The following TBC1D19 variants were observed in gnomAD, a reference collection of about 807,000 sequenced individuals.
The protein encoded by TBC1D19 is TBC1 domain family, member 19.
A neutral mutation model predicts 89.0 loss-of-function variants in TBC1D19; 60 were observed. The ratio of observed to expected loss-of-function variants is 0.67; its 90% CI spans 0.55 to 0.84. The LOEUF is 0.84. TBC1D19 is among the 40% of genes least tolerant of loss of function. The pLI, the probability that TBC1D19 is intolerant of heterozygous loss-of-function variation, is 0.00. For synonymous variants in TBC1D19, 189 were observed against 199.7 expected (o/e 0.95, Z 0.45); for missense variants, 500 against 610.8 (o/e 0.82, Z 1.91).
At chr4:26,753,622 C>T (rs2109337510) in intron 19 of TBC1D19, among the ~76,000 whole-genome samples, 198 bp from the exon 20 acceptor site, 2 of 152,260 alleles carry the variant, frequency 1.3e-5, no homozygotes, top group Middle Eastern at 6.8e-3. Flanking sequence ...TTCAGTTTGT[C>T]TGGCCATCAG....
At position 26,617,278 on chromosome 4, in the gene TBC1D19, T is replaced by G. The variant is rs182991805; in HGVS notation, c.218+2825T>G. 7.7e-4 allele frequency among the ~76,000 whole-genome samples: 117 copies of G among 152,340 alleles called. 1 individual carries two copies. The highest frequency in any genetic ancestry group is 2.5e-3 in the African/African-American group (105 of 41,588). On this transcript the variant is annotated intron_variant, in intron 3 of 20. Coordinates refer to ENST00000264866, the MANE Select transcript of TBC1D19 (RefSeq NM_018317.4). ...GAAGCTCTTATGGCCTAATCACTTC[T>G]GAAAGATCCCACCTCTTAATACTGT...
chr4:26,831,643 C>T, the TBC1D19 span, among the ~76,000 whole-genome samples: 85 of 143,648 alleles, frequency 5.9e-4, no homozygotes, highest in East Asian at 6.0e-3. Flanking sequence ...AGTGCCATAG[C>T]GTGATTTTGG....
chr4:26,844,754 T>A, the TBC1D19 span, among the ~76,000 whole-genome samples: 1 of 152,214 alleles, frequency 6.6e-6, no homozygotes, highest in African/African-American at 2.4e-5. Context: ...TAACTTTTAT[T>A]AATGGTACCA....
chr4:26,753,581 C>T (rs1207779025), intron 19 of TBC1D19, among the ~76,000 whole-genome samples: 1 of 152,278 alleles, frequency 6.6e-6, no homozygotes, highest in Middle Eastern at 3.4e-3. Flanking sequence ...TTTAAGAACA[C>T]TGAATTTTCC....
chr4:26,793,256 G>C, the TBC1D19 span, among the ~76,000 whole-genome samples: 3 of 152,286 alleles, frequency 2.0e-5, no homozygotes, highest in East Asian at 5.8e-4. Context: ...GCTTCTCATG[G>C]AAAATGGCAC....
intron 10 of TBC1D19, among the ~76,000 whole-genome samples, chr4:26,673,203 T>A (rs1006639711): frequency 1.3e-5 from 2 of 151,690 alleles, no homozygotes; most frequent in Admixed American, 1.3e-4. Context: ...TTTCTACGTC[T>A]TTGAAAATCC....
At chr4:26,578,389 T>C (rs1739012587) in intron 1 of TBC1D19, among the ~76,000 whole-genome samples, 1 of 152,152 alleles carries the variant, frequency 6.6e-6, no homozygotes, top group Non-Finnish European at 1.5e-5. Context: ...AGGACCAATA[T>C]TGCAGCCGTC....
rs374494688 is a variant in TBC1D19, at chr4:26,672,834, ATGATT to A, written c.703+651_703+655del. Among the ~76,000 whole-genome samples the A allele has an allele frequency of 3.2e-3, 494 of 152,074 alleles. 1 individual carries two copies. The highest frequency in any genetic ancestry group is 0.011 in the African/African-American group (459 of 41,558). On this transcript the variant is annotated intron_variant, in intron 10 of 20. Coordinates refer to ENST00000264866, the MANE Select transcript of TBC1D19 (RefSeq NM_018317.4). ...TTGTATTTATTTAGAATTTATTTGT[ATGATT>A]TGACACTTTTATTAAGAGCAATTTC...
At chr4:26,628,403 GT>G (rs1428222115) in intron 4 of TBC1D19, among the ~76,000 whole-genome samples, 1 of 152,112 alleles carries the variant, frequency 6.6e-6, no homozygotes, top group Non-Finnish European at 1.5e-5. Context: ...CTTTAAAGTA[GT>G]TTTTTCCAGT....
At chr4:26,773,974 A>G in the TBC1D19 span, among the ~76,000 whole-genome samples, 90 of 152,296 alleles carry the variant, frequency 5.9e-4, no homozygotes, top group African/African-American at 2.1e-3. Flanking sequence ...TGCCTCTGCT[A>G]AGATCTCCTT....
the TBC1D19 span, among the ~76,000 whole-genome samples, chr4:26,824,667 T>A: frequency 6.6e-6 from 1 of 152,126 alleles, no homozygotes; most frequent in East Asian, 1.9e-4. Context: ...AGTGGGGTCA[T>A]TTTCTTTCTT....
intron 19 of TBC1D19, among the ~76,000 whole-genome samples, chr4:26,748,885 AC>A (rs1239642535): frequency 6.6e-6 from 1 of 152,094 alleles, no homozygotes; most frequent in Non-Finnish European, 1.5e-5. Context: ...TCCCCTGGCT[AC>A]CTTAGCAGTC....
At chr4:26,777,657 C>T in the TBC1D19 span, among the ~76,000 whole-genome samples, 2 of 152,162 alleles carry the variant, frequency 1.3e-5, no homozygotes, top group South Asian at 4.2e-4. Context: ...CAGTGTTGGC[C>T]AGGCTGGTCT....
At chr4:26,730,310 GA>G (rs1268194605) in intron 15 of TBC1D19, among the ~76,000 whole-genome samples, 1 of 151,908 alleles carries the variant, frequency 6.6e-6, no homozygotes, top group Non-Finnish European at 1.5e-5. Flanking sequence ...TACTGGGAGA[GA>G]AAAAAATAAA....
chr4:26,623,411 A>G (rs1742198464), intron 4 of TBC1D19, among the ~76,000 whole-genome samples: 1 of 152,138 alleles, frequency 6.6e-6, no homozygotes, highest in African/African-American at 2.4e-5. Flanking sequence ...GGTTGTTCTA[A>G]AACTTTTTCA....
intron 13 of TBC1D19, among the ~76,000 whole-genome samples, chr4:26,705,399 GT>G (rs1440489321): frequency 6.6e-6 from 1 of 152,106 alleles, no homozygotes; most frequent in Non-Finnish European, 1.5e-5. Flanking sequence ...TCTTCTATGA[GT>G]TTTATAGTTT....
the TBC1D19 span, among the ~76,000 whole-genome samples, chr4:26,857,412 A>T: frequency 6.6e-6 from 1 of 152,206 alleles, no homozygotes; most frequent in East Asian, 1.9e-4. Flanking sequence ...CCACGCAGGG[A>T]AGTCAAAGAC....
rs1716880668 is a variant in TBC1D19 at position 26,720,104 on chromosome 4, GCTGT to G, written c.1066_1069del (p.Val356PhefsTer100). On this transcript the variant is annotated frameshift_variant, in exon 15 of 21. Transcript: ENST00000264866. LOFTEE classifies it high-confidence loss of function. The stretch of plus-strand genomic sequence containing the variant: ...AGGAAAACTAGGACTGGAAGAATAT[GCTGT>G]CTTTTACCCACCAAATGGTAAGAGT... The G allele has an allele frequency of 1.2e-6, 2 of 1,604,858 alleles. No individual in the cohort carries two copies. The highest frequency in any genetic ancestry group is 4.5e-5 in the East Asian group (2 of 44,506).
At chr4:26,696,186 A>G (rs535223344) in intron 13 of TBC1D19, among the ~76,000 whole-genome samples, 19 of 152,312 alleles carry the variant, frequency 1.2e-4, no homozygotes, top group Middle Eastern at 6.8e-3. Flanking sequence ...AATGGACAAC[A>G]AAAAAAGGCA....
Sources: gnomAD v4.1 joint callset for allele counts (sites outside exome capture counted in the v4.1 genomes callset) on GRCh38, gnomAD v4.1.1 for gene constraint, MANE v1.5 for transcripts, NCBI Gene and HGNC (gene_info 2026-07-23, HGNC 2026-07-21) for gene names.